The following MDGA2 variants were observed in gnomAD, a reference collection of about 807,000 sequenced individuals.
The protein encoded by MDGA2 is MAM domain-containing glycosylphosphatidylinositol anchor protein 2.
In MDGA2, 40 loss-of-function variants were observed where a neutral mutation model predicts 117.8. The ratio of observed to expected loss-of-function variants is 0.34; its 90% confidence interval spans 0.26 to 0.44. MDGA2 has a LOEUF of 0.44. MDGA2 is among the 20% of genes least tolerant of loss of function. The pLI, the probability that MDGA2 is intolerant of heterozygous loss-of-function variation, is 1.00. For missense variants in MDGA2, 1,123 were observed against 1,250.6 expected (o/e 0.90, Z 1.54); for synonymous variants, 452 against 439.0 (o/e 1.03, Z -0.37).
chr14:47,306,725 C>T (rs1486794036), intron 1 of MDGA2, among the ~76,000 whole-genome samples: 2 of 151,986 alleles, frequency 1.3e-5, no homozygotes, highest in Admixed American at 6.6e-5. Flanking sequence ...TTCACTGGTC[C>T]CTCTCCTAGA....
At chr14:47,191,948 T>C in intron 3 of MDGA2, among the ~76,000 whole-genome samples, 1 of 151,996 alleles carries the variant, frequency 6.6e-6, no homozygotes. Flanking sequence ...AGAAAAACCA[T>C]CCCAGAGAAT....
chr14:47,026,335 G>T (rs1179576992), intron 8 of MDGA2, among the ~76,000 whole-genome samples: 1 of 152,006 alleles, frequency 6.6e-6, no homozygotes, highest in East Asian at 1.9e-4. Flanking sequence ...ATTAATTAAA[G>T]TACTCTTTTG....
intron 1 of MDGA2, among the ~76,000 whole-genome samples, chr14:47,552,550 C>A (rs899298398): frequency 3.3e-5 from 5 of 152,146 alleles, no homozygotes; most frequent in Non-Finnish European, 5.9e-5. Flanking sequence ...CAGTTAGAAT[C>A]TGATCACACC....
chr14:47,148,723 G>A (rs1044143001), intron 3 of MDGA2, among the ~76,000 whole-genome samples: 1 of 152,110 alleles, frequency 6.6e-6, no homozygotes, highest in Non-Finnish European at 1.5e-5. Context: ...ATGGTGTTTC[G>A]GGGTTCTTTC....
intron 1 of MDGA2, among the ~76,000 whole-genome samples, chr14:47,339,041 C>T (rs1890542691): frequency 6.6e-6 from 1 of 151,972 alleles, no homozygotes; most frequent in South Asian, 2.1e-4. Flanking sequence ...AAAAATGTGT[C>T]TATTTTATAC....
intron 5 of MDGA2, among the ~76,000 whole-genome samples, chr14:47,114,407 GA>G (rs761922988): frequency 1.3e-5 from 2 of 151,904 alleles, no homozygotes; most frequent in Non-Finnish European, 2.9e-5. Flanking sequence ...ATTCTTCCCA[GA>G]ATTAGGAAAA....
intron 8 of MDGA2, among the ~76,000 whole-genome samples, chr14:47,012,155 G>T (rs1566573817): frequency 6.6e-6 from 1 of 152,048 alleles, no homozygotes; most frequent in Non-Finnish European, 1.5e-5. Context: ...AAAAATCAAA[G>T]ATTGGTATAA....
Position 46,920,174 on chromosome 14 carries a change from G to T in MDGA2, c.2090-14C>A. The T allele has an allele frequency of 6.2e-7, 1 of 1,604,178 alleles. No individual in the cohort carries two copies. The highest frequency in any genetic ancestry group is 1.3e-5 in the African/African-American group (1 of 74,650). ...CATAGGCCTTTCCTGAAAACAGAAAGTGTGCTTAAATTTGAATGATGACAT... is the reference window on the plus strand; with the variant it reads ...CATAGGCCTTTCCTGAAAACAGAAATTGTGCTTAAATTTGAATGATGACAT... On this transcript the variant is annotated splice_polypyrimidine_tract_variant and intron_variant, in intron 9 of 16. Transcript: ENST00000399232.
At chr14:47,253,366 G>A (rs1316613633) in intron 2 of MDGA2, among the ~76,000 whole-genome samples, 3 of 152,158 alleles carry the variant, frequency 2.0e-5, no homozygotes, top group Non-Finnish European at 4.4e-5. Context: ...TTACTTCCTA[G>A]ATACAAAGAG....
chr14:47,287,185 A>T (rs1183381736), intron 2 of MDGA2, among the ~76,000 whole-genome samples: 2 of 151,848 alleles, frequency 1.3e-5, no homozygotes, highest in African/African-American at 4.8e-5. Context: ...CTATAATCTC[A>T]TTCACTCCCC....
intron 5 of MDGA2, among the ~76,000 whole-genome samples, chr14:47,115,735 C>T (rs2139077001): frequency 6.6e-6 from 1 of 152,030 alleles, no homozygotes; most frequent in East Asian, 1.9e-4. Flanking sequence ...CAATTCAGCA[C>T]CCTTTCATGA....
intron 2 of MDGA2, among the ~76,000 whole-genome samples, chr14:47,297,051 C>T (rs1435996672): frequency 3.3e-5 from 5 of 152,106 alleles, no homozygotes; most frequent in African/African-American, 7.2e-5. Context: ...CATTTTTAAT[C>T]AATTATCTCC....
chr14:46,929,713 C>T (rs1256616643), intron 9 of MDGA2, among the ~76,000 whole-genome samples: 4 of 137,916 alleles, frequency 2.9e-5, no homozygotes, highest in South Asian at 2.4e-4. Context: ...TGCAATGGTG[C>T]GATCTTGGCT....
chr14:47,112,142 A>C (rs1233351694), intron 5 of MDGA2, among the ~76,000 whole-genome samples: 1 of 146,752 alleles, frequency 6.8e-6, no homozygotes, highest in Non-Finnish European at 1.5e-5. Context: ...AAAAAGCGGG[A>C]GAGGAAAGAA....
At chr14:47,477,154 T>C (rs1036261322) in intron 1 of MDGA2, among the ~76,000 whole-genome samples, 4 of 152,276 alleles carry the variant, frequency 2.6e-5, no homozygotes, top group African/African-American at 7.2e-5. Context: ...AGAGTGAGCA[T>C]CTGTCTCAAA....
intron 1 of MDGA2, among the ~76,000 whole-genome samples, chr14:47,445,755 G>C (rs1893108851): frequency 6.6e-6 from 1 of 152,104 alleles, no homozygotes; most frequent in Non-Finnish European, 1.5e-5. Flanking sequence ...AGCAGAAGGG[G>C]AGGGAACAAA....
Position 47,283,518 on chromosome 14 carries a change from T to C in MDGA2, c.420+17893A>G, listed in dbSNP as rs1434270863. On this transcript the variant is annotated intron_variant, in intron 2 of 16. Transcript: ENST00000399232. ...TCTACAGTGCAGTTAGGAAGAAACA[T>C]TACATGAATACCATTTTGTTACATT... Among the ~76,000 whole-genome samples the C allele has an allele frequency of 5.3e-5, 8 of 152,208 alleles. No individual in the cohort carries two copies. The East Asian group carries it at 7.7e-4, about 15-fold the overall frequency.
chr14:47,262,963 T>C (rs2139678222), intron 2 of MDGA2, among the ~76,000 whole-genome samples: 1 of 152,246 alleles, frequency 6.6e-6, no homozygotes, highest in Middle Eastern at 3.4e-3. Flanking sequence ...GCTTATAAAC[T>C]TAACATTATT....
At chr14:47,502,098 T>C (rs1211014778) in intron 1 of MDGA2, among the ~76,000 whole-genome samples, 2 of 152,140 alleles carry the variant, frequency 1.3e-5, no homozygotes, top group Admixed American at 6.5e-5. Context: ...TAAGTTGACT[T>C]AAAAGGTCCA....
Sources: gnomAD v4.1 joint callset for allele counts (sites outside exome capture counted in the v4.1 genomes callset) on GRCh38, gnomAD v4.1.1 for gene constraint, MANE v1.5 for transcripts, NCBI Gene and HGNC (gene_info 2026-07-23, HGNC 2026-07-21) for gene names.